DACH1: variants seen among roughly 807,000 people sequenced by gnomAD.
The protein encoded by DACH1 is dachshund homolog 1.
DACH1 carries 12 observed loss-of-function variants against 54.2 expected under a neutral mutation model. The observed-to-expected ratio is 0.22, with a 90% CI of 0.14 to 0.36. DACH1 has a LOEUF of 0.36. Ranked by LOEUF, DACH1 falls within the 10% of genes least tolerant of loss-of-function variation. The probability of loss-of-function intolerance (pLI) is 1.00; values close to 1 mark genes in which losing one functional copy is unlikely to be tolerated. For synonymous variants in DACH1, 386 were observed against 366.2 expected (o/e 1.05, Z -0.62); for missense variants, 805 against 929.8 (o/e 0.87, Z 1.75).
intron 10 of DACH1, among the ~76,000 whole-genome samples, chr13:71,457,066 A>C (rs1875631983): frequency 6.6e-6 from 1 of 152,026 alleles, no homozygotes; most frequent in Non-Finnish European, 1.5e-5. Context: ...GTTTTTCTTT[A>C]TTTACCAAGA....
At chr13:71,605,974 C>T (rs2138504312) in intron 3 of DACH1, among the ~76,000 whole-genome samples, 1 of 152,144 alleles carries the variant, frequency 6.6e-6, no homozygotes, top group African/African-American at 2.4e-5. Flanking sequence ...ATGTGTTGAA[C>T]TGGCAGAGTG....
At chr13:71,610,954 T>A (rs969088221) in intron 3 of DACH1, among the ~76,000 whole-genome samples, 1 of 152,182 alleles carries the variant, frequency 6.6e-6, no homozygotes, top group African/African-American at 2.4e-5. Context: ...CAATCTAACC[T>A]GATAATCACT....
chr13:71,798,339 T>G (rs1304408463), intron 1 of DACH1, among the ~76,000 whole-genome samples: 1 of 126,112 alleles, frequency 7.9e-6, no homozygotes, highest in Non-Finnish European at 1.5e-5. Flanking sequence ...TATATATATA[T>G]ATATATATAT....
chr13:71,853,433 C>T (rs1193954839), intron 1 of DACH1, among the ~76,000 whole-genome samples: 2 of 152,092 alleles, frequency 1.3e-5, no homozygotes, highest in Non-Finnish European at 2.9e-5. Context: ...TGTACATTAA[C>T]CAATTTCAAG....
intron 1 of DACH1, among the ~76,000 whole-genome samples, chr13:71,845,480 G>A (rs1157026250): frequency 6.6e-6 from 1 of 152,090 alleles, no homozygotes; most frequent in East Asian, 1.9e-4. Context: ...TATACAAGTG[G>A]GTCATTGACA....
chr13:71,518,478 C>T (rs1000892797), intron 6 of DACH1, among the ~76,000 whole-genome samples: 5 of 151,790 alleles, frequency 3.3e-5, no homozygotes, highest in African/African-American at 1.2e-4. Context: ...AATTCTGTCT[C>T]CCAATTCTAC....
chr13:71,516,765 T>C (rs1881190110), intron 6 of DACH1, among the ~76,000 whole-genome samples: 1 of 151,804 alleles, frequency 6.6e-6, no homozygotes, highest in Non-Finnish European at 1.5e-5. Flanking sequence ...GTTACATTAA[T>C]TAGTTTAAAC....
intron 1 of DACH1, among the ~76,000 whole-genome samples, chr13:71,762,670 G>A (rs1423881121): frequency 1.3e-5 from 2 of 150,364 alleles, no homozygotes; most frequent in Non-Finnish European, 3.0e-5. Context: ...GGGAAGCTGA[G>A]GCAAGAGAAT....
At chr13:71,578,922 T>A (rs1288442088) in intron 3 of DACH1, among the ~76,000 whole-genome samples, 1 of 152,140 alleles carries the variant, frequency 6.6e-6, no homozygotes, top group Non-Finnish European at 1.5e-5. Flanking sequence ...ATCAATTTAT[T>A]TTTTTCTTGA....
At chr13:71,833,356 G>C (rs376650456) in intron 1 of DACH1, among the ~76,000 whole-genome samples, 2 of 151,900 alleles carry the variant, frequency 1.3e-5, no homozygotes, top group Non-Finnish European at 2.9e-5. Flanking sequence ...TGTTTATAAA[G>C]AGAATAAACA....
chr13:71,809,352 G>A (rs2138146339), intron 1 of DACH1, among the ~76,000 whole-genome samples: 1 of 151,908 alleles, frequency 6.6e-6, no homozygotes, highest in Non-Finnish European at 1.5e-5. Context: ...TTTGTTTTTT[G>A]CAGAGACAGA....
At chr13:71,600,469 A>C (rs563069743) in intron 3 of DACH1, among the ~76,000 whole-genome samples, 1 of 152,150 alleles carries the variant, frequency 6.6e-6, no homozygotes. Flanking sequence ...CTGTCCTTAT[A>C]ACTACAATGA....
At chr13:71,601,055 G>A (rs1045180929) in intron 3 of DACH1, among the ~76,000 whole-genome samples, 2 of 151,614 alleles carry the variant, frequency 1.3e-5, no homozygotes, top group African/African-American at 4.8e-5. Flanking sequence ...ATTCATATCT[G>A]TGCCAAAGTA....
chr13:71,854,845 G>A (rs1185882399), intron 1 of DACH1, among the ~76,000 whole-genome samples: 2 of 151,984 alleles, frequency 1.3e-5, no homozygotes, highest in African/African-American at 4.8e-5. Flanking sequence ...ATGGCATCAG[G>A]TGATACTAGG....
chr13:71,500,032 T>G (rs1879780642), intron 6 of DACH1, among the ~76,000 whole-genome samples: 1 of 151,912 alleles, frequency 6.6e-6, no homozygotes, highest in Non-Finnish European at 1.5e-5. Context: ...GTTTATAATT[T>G]CAGAAAGAAA....
At chr13:71,709,673 T>C (rs1882618766) in intron 1 of DACH1, among the ~76,000 whole-genome samples, 4 of 152,216 alleles carry the variant, frequency 2.6e-5, no homozygotes, top group Non-Finnish European at 5.9e-5. Flanking sequence ...TGCTAATCTC[T>C]TCCTTTGCCT....
At chr13:71,498,621 T>C (rs1213293905) in intron 6 of DACH1, among the ~76,000 whole-genome samples, 1 of 149,844 alleles carries the variant, frequency 6.7e-6, no homozygotes, top group Non-Finnish European at 1.5e-5. Flanking sequence ...AAAGAAGAGA[T>C]TCTGTTTAGA....
chr13:71,800,537 C>G (rs1211603620), intron 1 of DACH1, among the ~76,000 whole-genome samples: 1 of 152,010 alleles, frequency 6.6e-6, no homozygotes, highest in African/African-American at 2.4e-5. Context: ...ACTTTCTCTC[C>G]CGACTGCCTA....
chr13:71,595,667 A>G (rs1312438265), intron 3 of DACH1, among the ~76,000 whole-genome samples: 1 of 152,160 alleles, frequency 6.6e-6, no homozygotes, highest in East Asian at 1.9e-4. Context: ...ATTTCTCACA[A>G]TTCTGGAAGC....
Sources: gnomAD v4.1 joint callset for allele counts (sites outside exome capture counted in the v4.1 genomes callset) on GRCh38, gnomAD v4.1.1 for gene constraint, MANE v1.5 for transcripts, NCBI Gene and HGNC (gene_info 2026-07-23, HGNC 2026-07-21) for gene names.